The following STPG2 variants were observed in gnomAD, a reference collection of about 807,000 sequenced individuals.
STPG2 encodes the protein sperm-tail PG-rich repeat-containing protein 2.
Under a neutral mutation model 54.2 loss-of-function variants are expected in STPG2, and 56 were observed. The observed-to-expected ratio is 1.03, with a 90% CI of 0.83 to 1.29. The LOEUF (loss-of-function observed/expected upper bound fraction) is 1.29. Ranked by LOEUF, STPG2 falls within the 50% of genes most tolerant of loss-of-function variation. STPG2 has a pLI of 0.00. For synonymous variants in STPG2, 200 were observed against 181.8 expected, an observed-to-expected ratio of 1.10 and a Z score of -0.81; for missense variants, 596 against 544.9, an observed-to-expected ratio of 1.09 and a Z score of -0.93.
At chr4:97,455,388 A>G (rs1044455069) in intron 4 of STPG2, among the ~76,000 whole-genome samples, 2 of 152,092 alleles carry the variant, frequency 1.3e-5, no homozygotes, top group African/African-American at 4.8e-5. Flanking sequence ...AAAAACCCCG[A>G]GACCCTAGTG....
intron 5 of STPG2, among the ~76,000 whole-genome samples, chr4:97,992,187 G>A (rs903851533): frequency 6.6e-6 from 1 of 152,162 alleles, no homozygotes; most frequent in Non-Finnish European, 1.5e-5. Flanking sequence ...CTAACGTCTA[G>A]AAGGGTTTTT....
At chr4:97,561,234 C>G (rs565252065) in intron 10 of STPG2, among the ~76,000 whole-genome samples, 2 of 152,100 alleles carry the variant, frequency 1.3e-5, no homozygotes, top group Non-Finnish European at 2.9e-5. Context: ...TGTTTTATGG[C>G]TGCATAAATG....
At chr4:97,657,001 G>A (rs1165368743) in intron 10 of STPG2, among the ~76,000 whole-genome samples, 1 of 152,068 alleles carries the variant, frequency 6.6e-6, no homozygotes, top group African/African-American at 2.4e-5. Flanking sequence ...TGCAATTGCA[G>A]TTTATTTTTC....
chr4:97,833,337 C>G (rs1278039580), intron 9 of STPG2, among the ~76,000 whole-genome samples: 1 of 152,150 alleles, frequency 6.6e-6, no homozygotes, highest in Non-Finnish European at 1.5e-5. Context: ...CTTCCTTATA[C>G]CTTAAACAAA....
intron 5 of STPG2, among the ~76,000 whole-genome samples, chr4:97,998,629 ATAT>A (rs1351633834): frequency 6.6e-6 from 1 of 152,138 alleles, no homozygotes; most frequent in Non-Finnish European, 1.5e-5. Flanking sequence ...CTACTAATTA[ATAT>A]TATTGTTTTG....
chr4:97,667,475 C>T (rs1054790054), intron 10 of STPG2, among the ~76,000 whole-genome samples: 6 of 152,194 alleles, frequency 3.9e-5, no homozygotes, highest in Middle Eastern at 6.8e-3. Context: ...GGAATGATTC[C>T]CAAAGTACTA....
At chr4:97,906,968 G>C (rs1367064447) in intron 8 of STPG2, among the ~76,000 whole-genome samples, 1 of 150,028 alleles carries the variant, frequency 6.7e-6, no homozygotes, top group Non-Finnish European at 1.5e-5. Context: ...AGACAGGGAT[G>C]CCCTCTCTCA....
intron 8 of STPG2, among the ~76,000 whole-genome samples, chr4:97,905,476 C>A (rs1405080297): frequency 6.6e-6 from 1 of 152,056 alleles, no homozygotes; most frequent in Non-Finnish European, 1.5e-5. Flanking sequence ...TGGAAAGGAA[C>A]AACCGGTACC....
intron 3 of STPG2, among the ~76,000 whole-genome samples, chr4:98,110,609 A>G (rs559516519): frequency 6.6e-6 from 1 of 152,238 alleles, no homozygotes; most frequent in East Asian, 1.9e-4. Context: ...TAAAAGGTCA[A>G]TCCATGCACT....
chr4:98,076,132 T>A (rs1376132463), intron 5 of STPG2, among the ~76,000 whole-genome samples: 1 of 151,796 alleles, frequency 6.6e-6, no homozygotes, highest in East Asian at 1.9e-4. Flanking sequence ...TAGTCCCAGC[T>A]ACTCAGGAGG....
At chr4:97,828,860 G>A (rs1020458778) in intron 9 of STPG2, among the ~76,000 whole-genome samples, 1 of 152,136 alleles carries the variant, frequency 6.6e-6, no homozygotes, top group Non-Finnish European at 1.5e-5. Context: ...AGAAAAAAAG[G>A]CAGCTGCCCT....
intron 9 of STPG2, among the ~76,000 whole-genome samples, chr4:97,811,010 G>T (rs1727720216): frequency 6.6e-6 from 1 of 152,088 alleles, no homozygotes; most frequent in South Asian, 2.1e-4. Flanking sequence ...CTTCTTAAAA[G>T]TACAGGCCTT....
chr4:97,722,481 C>A (rs1724479915), intron 9 of STPG2, among the ~76,000 whole-genome samples: 1 of 151,994 alleles, frequency 6.6e-6, no homozygotes, highest in African/African-American at 2.4e-5. Flanking sequence ...ACATAATTGC[C>A]ACACTTTTTG....
At chr4:97,938,227 G>A (rs1732822994) in intron 8 of STPG2, among the ~76,000 whole-genome samples, 2 of 152,190 alleles carry the variant, frequency 1.3e-5, no homozygotes, top group Non-Finnish European at 2.9e-5. Context: ...AAGTAGTCCA[G>A]TCTCCCTGGC....
chr4:98,013,361 G>A (rs535945876), intron 5 of STPG2, among the ~76,000 whole-genome samples: 2 of 152,144 alleles, frequency 1.3e-5, no homozygotes, highest in Non-Finnish European at 2.9e-5. Context: ...GCATTTTATT[G>A]AGGGTTTTCG....
At chr4:97,531,234 G>A (rs184969587) in intron 4 of STPG2, among the ~76,000 whole-genome samples, 1 of 152,254 alleles carries the variant, frequency 6.6e-6, no homozygotes, top group East Asian at 1.9e-4. Context: ...TGGAGAAAAG[G>A]GAACACTTGG....
chr4:98,030,570 A>T (rs1431423889), intron 5 of STPG2, among the ~76,000 whole-genome samples: 1 of 152,192 alleles, frequency 6.6e-6, no homozygotes, highest in Non-Finnish European at 1.5e-5. Context: ...GAGCCTGAAA[A>T]GCCAAGGCAA....
chr4:97,763,373 G>A (rs571018484), intron 9 of STPG2, among the ~76,000 whole-genome samples: 12 of 152,098 alleles, frequency 7.9e-5, no homozygotes, highest in Non-Finnish European at 1.5e-4. Flanking sequence ...AAATAAGCTA[G>A]AAGTCTACAA....
chr4:97,580,505 G>A (rs1007234392), intron 10 of STPG2, among the ~76,000 whole-genome samples: 1 of 151,564 alleles, frequency 6.6e-6, no homozygotes, highest in African/African-American at 2.4e-5. Context: ...TAGAAGCCAT[G>A]GTAAACATTT....
Sources: gnomAD v4.1 joint callset for allele counts (sites outside exome capture counted in the v4.1 genomes callset) on GRCh38, gnomAD v4.1.1 for gene constraint, MANE v1.5 for transcripts, NCBI Gene and HGNC (gene_info 2026-07-23, HGNC 2026-07-21) for gene names.